RYR2: variants seen among roughly 807,000 people sequenced by gnomAD.
RYR2 encodes cardiac muscle ryanodine receptor-calcium release channel.
Under a neutral mutation model 601.1 loss-of-function variants are expected in RYR2, and 227 were observed. The ratio of observed to expected loss-of-function variants is 0.38; its 90% CI spans 0.34 to 0.42. The LOEUF (loss-of-function observed/expected upper bound fraction) is 0.42. Ranked by LOEUF, RYR2 falls within the 10% of genes least tolerant of loss-of-function variation. The probability of loss-of-function intolerance (pLI) is 1.00; values close to 1 mark genes in which losing one functional copy is unlikely to be tolerated. For missense variants in RYR2, 4,646 were observed against 6,156.5 expected (o/e 0.75, Z 8.21); for synonymous variants, 2,223 against 2,175.1 (o/e 1.02, Z -0.61).
At chr1:237,520,324 A>T (rs1666967529) in intron 24 of RYR2, among the ~76,000 whole-genome samples, 1 of 152,156 alleles carries the variant, frequency 6.6e-6, no homozygotes, top group African/African-American at 2.4e-5. Flanking sequence ...TTCTCTCACT[A>T]GGCCTTTCAG....
intron 10 of RYR2, among the ~76,000 whole-genome samples, chr1:237,389,559 A>G (rs928588815): frequency 1.3e-5 from 2 of 152,234 alleles, no homozygotes; most frequent in Non-Finnish European, 1.5e-5. Context: ...AGATAATGCC[A>G]TCAGAATGGA....
At chr1:237,678,178 C>A in intron 61 of RYR2, 66 bp downstream of exon 61, 2 of 860,200 alleles carry the variant, frequency 2.3e-6, no homozygotes, top group Non-Finnish European at 3.9e-6. Flanking sequence ...CTCATTAGAT[C>A]GTTGCCCTTT....
At chr1:237,502,657 A>G (rs1664782858) in intron 21 of RYR2, among the ~76,000 whole-genome samples, 1 of 152,080 alleles carries the variant, frequency 6.6e-6, no homozygotes, top group Admixed American at 6.6e-5. Context: ...CAGGGGGCAG[A>G]GCTCAGGCGG....
chr1:237,517,748 C>T (rs1050707779), intron 24 of RYR2, among the ~76,000 whole-genome samples: 2 of 152,130 alleles, frequency 1.3e-5, no homozygotes, highest in Non-Finnish European at 2.9e-5. Context: ...CTGCCCTCAA[C>T]AGAGTGGTAC....
chr1:237,635,099 C>A, intron 44 of RYR2, 107 bp downstream of exon 44: 1 of 850,372 alleles, frequency 1.2e-6, no homozygotes, highest in Non-Finnish European at 1.7e-6. Context: ...TGTGGTTTTG[C>A]AATGTGACAT....
intron 1 of RYR2, among the ~76,000 whole-genome samples, chr1:237,165,903 T>G (rs116007642): frequency 0.014 from 2,196 of 152,108 alleles, 57 homozygotes; most frequent in African/African-American, 0.051. Context: ...GGCAAGGGTG[T>G]GAGGACTGCT....
At chr1:237,705,390 T>C in intron 67 of RYR2, 47 bp downstream of exon 67, 1 of 1,512,950 alleles carries the variant, frequency 6.6e-7, no homozygotes, top group Non-Finnish European at 9.0e-7. Context: ...AGCTAAAACT[T>C]GATATTTATC....
At chr1:237,703,612 T>A (rs2797438) in intron 66 of RYR2, among the ~76,000 whole-genome samples, 143,488 of 147,776 alleles carry the variant, frequency 0.97, 69,803 homozygotes, top group East Asian at 1. Flanking sequence ...AACATATATA[T>A]ATATATAAAA....
chr1:237,609,632 T>G (rs1245702607), intron 35 of RYR2, among the ~76,000 whole-genome samples: 1 of 151,974 alleles, frequency 6.6e-6, no homozygotes, highest in Non-Finnish European at 1.5e-5. Flanking sequence ...CCCAAAGTGC[T>G]GGGATTACAG....
In RYR2 at chr1:237,118,899, TA is replaced by T. The variant is rs576673404; in HGVS notation, c.48+76334del. Among the ~76,000 whole-genome samples the T allele has an allele frequency of 1.6e-3, 242 of 152,130 alleles. 1 individual carries two copies. The highest frequency in any genetic ancestry group is 5.5e-3 in the African/African-American group (229 of 41,496). ...CCGGAACTACTTAGTCTTTTTTTTTTAAAAGACCTAATTCACGTGAAAAAGG... is the reference window on the plus strand; with the variant it reads ...CCGGAACTACTTAGTCTTTTTTTTTTAAAGACCTAATTCACGTGAAAAAGG... On this transcript the variant is annotated intron_variant, in intron 1 of 104. Coordinates refer to ENST00000366574, the MANE Select transcript of RYR2 (RefSeq NM_001035.3).
chr1:237,491,591 C>T (rs1407692888), intron 17 of RYR2, among the ~76,000 whole-genome samples: 1 of 152,174 alleles, frequency 6.6e-6, no homozygotes. Context: ...AGTTGTTTGC[C>T]TTTTCTTCCC....
intron 1 of RYR2, among the ~76,000 whole-genome samples, chr1:237,127,809 TCACTTCCTAGATAGGATGG>T (rs1012853645): frequency 1.3e-5 from 2 of 150,510 alleles, no homozygotes; most frequent in African/African-American, 4.9e-5. Flanking sequence ...GAGACGCTCC[TCACTTCCTAGATAGGATGG>T]CGGCTGGGCA....
chr1:237,428,105 A>T (rs1225580470), intron 12 of RYR2, among the ~76,000 whole-genome samples: 2 of 152,220 alleles, frequency 1.3e-5, no homozygotes, highest in Non-Finnish European at 2.9e-5. Context: ...GAAACAACAG[A>T]TGCTGGTGAG....
At chr1:237,809,076 T>C (rs745705130) in intron 100 of RYR2, 41 bp downstream of exon 100, 4 of 1,570,944 alleles carry the variant, frequency 2.5e-6, no homozygotes, top group Non-Finnish European at 3.5e-6. Flanking sequence ...CAAAAATGTC[T>C]CCTGCTTCTG....
chr1:237,817,583 A>T (rs1185651079), intron 100 of RYR2, among the ~76,000 whole-genome samples: 3 of 152,204 alleles, frequency 2.0e-5, no homozygotes, highest in Non-Finnish European at 4.4e-5. Context: ...CAAGAAAAAG[A>T]TCCAGGCTGG....
At chr1:237,827,862 G>A (rs374496497) in intron 101 of RYR2, among the ~76,000 whole-genome samples, 3 of 143,158 alleles carry the variant, frequency 2.1e-5, no homozygotes, top group Non-Finnish European at 3.0e-5. Context: ...GCATGAACCC[G>A]GGAGGCGGAG....
chr1:237,416,742 G>A (rs1237551802), intron 10 of RYR2, among the ~76,000 whole-genome samples: 2 of 120,080 alleles, frequency 1.7e-5, no homozygotes. Flanking sequence ...AGGGAGGGAT[G>A]GGAAGAAACA....
intron 38 of RYR2, among the ~76,000 whole-genome samples, chr1:237,621,405 T>G (rs553315370): frequency 1.3e-5 from 2 of 152,122 alleles, no homozygotes; most frequent in African/African-American, 2.4e-5. Flanking sequence ...GTCACTAATG[T>G]AGATAATAAC....
At chr1:237,169,238 T>A (rs1007585090) in intron 1 of RYR2, among the ~76,000 whole-genome samples, 9 of 152,214 alleles carry the variant, frequency 5.9e-5, no homozygotes, top group African/African-American at 2.2e-4. Flanking sequence ...CAAGAGATCA[T>A]TCTGAATTTG....
Sources: gnomAD v4.1 joint callset for allele counts (sites outside exome capture counted in the v4.1 genomes callset) on GRCh38, gnomAD v4.1.1 for gene constraint, MANE v1.5 for transcripts, NCBI Gene and HGNC (gene_info 2026-07-23, HGNC 2026-07-21) for gene names.